The following MAN1A2 variants were observed in gnomAD, a reference collection of about 807,000 sequenced individuals.
The protein encoded by MAN1A2 is mannosidase alpha class 1A member 2.
A neutral mutation model predicts 75.7 loss-of-function variants in MAN1A2; 26 were observed. The ratio of observed to expected loss-of-function variants is 0.34; its 90% confidence interval spans 0.25 to 0.48. The LOEUF (loss-of-function observed/expected upper bound fraction) is 0.48, where lower values mean the gene tolerates loss of function less well. Ranked by LOEUF, MAN1A2 falls within the 20% of genes least tolerant of loss-of-function variation. The pLI, the probability that MAN1A2 is intolerant of heterozygous loss-of-function variation, is 0.99. For missense variants in MAN1A2, 562 were observed against 775.5 expected (o/e 0.72, Z 3.27); for synonymous variants, 247 against 264.6 (o/e 0.93, Z 0.65).
At chr1:117,444,409 T>A (rs78692368) in intron 6 of MAN1A2, among the ~76,000 whole-genome samples, 6 of 151,786 alleles carry the variant, frequency 4.0e-5, no homozygotes, top group South Asian at 2.1e-4. Flanking sequence ...TTTTTTTTTT[T>A]AATCTGTGGG....
At chr1:117,401,896 C>T (rs570930938) in intron 1 of MAN1A2, among the ~76,000 whole-genome samples, 22 of 151,912 alleles carry the variant, frequency 1.4e-4, no homozygotes, top group African/African-American at 5.1e-4. Context: ...ATTTAGTTTT[C>T]ACTGGTGTCT....
chr1:117,450,721 C>G (rs1236667594), intron 6 of MAN1A2, among the ~76,000 whole-genome samples: 5 of 152,204 alleles, frequency 3.3e-5, no homozygotes, highest in African/African-American at 1.2e-4. Context: ...ACCTAAAGCT[C>G]AGACTATGGC....
At chr1:117,475,520 C>A (rs1188583587) in intron 8 of MAN1A2, among the ~76,000 whole-genome samples, 2 of 151,948 alleles carry the variant, frequency 1.3e-5, no homozygotes, top group Non-Finnish European at 2.9e-5. Flanking sequence ...CCCTACCTTC[C>A]CACCCACCGA....
At chr1:117,421,314 A>G (rs1648184896) in intron 5 of MAN1A2, among the ~76,000 whole-genome samples, 1 of 152,042 alleles carries the variant, frequency 6.6e-6, no homozygotes, top group African/African-American at 2.4e-5. Context: ...ACAATTTGTA[A>G]GAGCTCTTTG....
At chr1:117,395,615 A>T (rs193295390) in intron 1 of MAN1A2, among the ~76,000 whole-genome samples, 4 of 152,222 alleles carry the variant, frequency 2.6e-5, no homozygotes, top group Admixed American at 2.6e-4. Flanking sequence ...AACAAACAAA[A>T]CCTTATATTA....
chr1:117,467,003 T>A (rs1327573239), intron 8 of MAN1A2, among the ~76,000 whole-genome samples: 1 of 152,164 alleles, frequency 6.6e-6, no homozygotes, highest in African/African-American at 2.4e-5. Context: ...AATTGTTATA[T>A]GAAACTGTGG....
At chr1:117,516,718 T>TA (rs1651722269) in intron 12 of MAN1A2, among the ~76,000 whole-genome samples, 1 of 152,104 alleles carries the variant, frequency 6.6e-6, no homozygotes, top group Non-Finnish European at 1.5e-5. Flanking sequence ...GCTGTCTTGA[T>TA]AGAGTTTCCA....
intron 11 of MAN1A2, among the ~76,000 whole-genome samples, 177 bp downstream of exon 11, chr1:117,499,731 A>G (rs912679055): frequency 2.0e-4 from 30 of 148,758 alleles, no homozygotes; most frequent in African/African-American, 7.3e-4. Flanking sequence ...AAATCTTACG[A>G]TATATATTAA....
At chr1:117,513,556 A>G (rs1302819367) in intron 12 of MAN1A2, among the ~76,000 whole-genome samples, 2 of 152,002 alleles carry the variant, frequency 1.3e-5, no homozygotes, top group East Asian at 3.8e-4. Context: ...GCTACACTTA[A>G]TCTTGCTCTT....
At chr1:117,442,566 G>A (rs980361740) in intron 6 of MAN1A2, among the ~76,000 whole-genome samples, 16 of 151,884 alleles carry the variant, frequency 1.1e-4, no homozygotes, top group African/African-American at 3.6e-4. Flanking sequence ...TTTACTACTC[G>A]TTTCTGTAAG....
intron 8 of MAN1A2, among the ~76,000 whole-genome samples, chr1:117,467,237 T>A (rs1650007982): frequency 6.6e-6 from 1 of 152,178 alleles, no homozygotes; most frequent in Non-Finnish European, 1.5e-5. Context: ...ATTGCAACTT[T>A]GCCGCTAATA....
At position 117,382,909 on chromosome 1, in the gene MAN1A2, AT is replaced by A. The variant is rs534300599; in HGVS notation, c.302+14426del. On this transcript the variant is annotated intron_variant, in intron 1 of 12. Transcript: ENST00000356554. ...GCACTACAATTTGCTAAATTGACTT[AT>A]TAGCTCTATTAATCATTTTATGAGT... Among the ~76,000 whole-genome samples the A allele has an allele frequency of 2.4e-3, 360 of 152,314 alleles. 2 individuals carry two copies. Among genetic ancestry groups the A allele is most frequent in the Non-Finnish European group, 4.3e-3 (293 of 68,028 alleles).
chr1:117,490,111 AC>A (rs1650833343), intron 8 of MAN1A2, among the ~76,000 whole-genome samples: 1 of 151,972 alleles, frequency 6.6e-6, no homozygotes, highest in East Asian at 1.9e-4. Flanking sequence ...TATATCTAGG[AC>A]AAACAAATAT....
intron 8 of MAN1A2, among the ~76,000 whole-genome samples, chr1:117,490,005 G>A (rs1410303869): frequency 6.6e-6 from 1 of 151,748 alleles, no homozygotes; most frequent in Non-Finnish European, 1.5e-5. Flanking sequence ...ATAGGGCAGG[G>A]TTTGTAGAAA....
chr1:117,382,551 T>C (rs1012703886), intron 1 of MAN1A2, among the ~76,000 whole-genome samples: 2 of 152,240 alleles, frequency 1.3e-5, no homozygotes, highest in Admixed American at 1.3e-4. Context: ...ATCTCTGTTT[T>C]GGTACCAGTA....
At chr1:117,513,531 A>G (rs745900086) in intron 12 of MAN1A2, among the ~76,000 whole-genome samples, 6 of 152,084 alleles carry the variant, frequency 3.9e-5, no homozygotes, top group Non-Finnish European at 8.8e-5. Flanking sequence ...GAAAAAAAGA[A>G]TTGTTTACCA....
At chr1:117,422,264 T>C (rs983639451) in intron 5 of MAN1A2, among the ~76,000 whole-genome samples, 1 of 152,114 alleles carries the variant, frequency 6.6e-6, no homozygotes, top group Non-Finnish European at 1.5e-5. Flanking sequence ...CAGTTAAGAA[T>C]GCTGGCTTCT....
At chr1:117,404,197 C>T (rs1282113204) in intron 2 of MAN1A2, among the ~76,000 whole-genome samples, 8 of 152,126 alleles carry the variant, frequency 5.3e-5, no homozygotes, top group Admixed American at 4.6e-4. Context: ...TCTTGAGATA[C>T]ATTGGTCTTG....
chr1:117,404,218 T>C (rs1315840661), intron 2 of MAN1A2, among the ~76,000 whole-genome samples: 1 of 152,224 alleles, frequency 6.6e-6, no homozygotes, highest in African/African-American at 2.4e-5. Flanking sequence ...AGTTTTCTTG[T>C]AATATCTTTG....
Sources: gnomAD v4.1 joint callset for allele counts (sites outside exome capture counted in the v4.1 genomes callset) on GRCh38, gnomAD v4.1.1 for gene constraint, MANE v1.5 for transcripts, NCBI Gene and HGNC (gene_info 2026-07-23, HGNC 2026-07-21) for gene names.